Variants in NPHP4 observed in about 807,000 individuals in gnomAD.
NPHP4 encodes nephrocystin-4.
Under a neutral mutation model 155.8 loss-of-function variants are expected in NPHP4, and 151 were observed. That is an observed-to-expected ratio of 0.97 (90% CI 0.85 to 1.11). The LOEUF is 1.11. Ranked by LOEUF, NPHP4 falls within the 50% of genes least tolerant of loss-of-function variation. The pLI, the probability that NPHP4 is intolerant of heterozygous loss-of-function variation, is 0.00. For synonymous variants in NPHP4, 845 were observed against 816.8 expected, an observed-to-expected ratio of 1.03 and a Z score of -0.59; for missense variants, 1,956 against 1,925.7, an observed-to-expected ratio of 1.02 and a Z score of -0.29.
intron 7 of NPHP4, among the ~76,000 whole-genome samples, chr1:5,948,843 G>A (rs1218486339): frequency 2.6e-5 from 4 of 152,302 alleles, no homozygotes; most frequent in Admixed American, 2.0e-4. Context: ...GTGGTCACTC[G>A]ATATTAAAGT....
rs151151838 is a variant in NPHP4 at position 5,874,597 on chromosome 1, C to T, written c.3105G>A (p.Pro1035=). 2.2e-4 allele frequency: 357 copies of T among 1,611,620 alleles called. 1 individual carries two copies. The highest frequency in any genetic ancestry group is 3.4e-4 in the Middle Eastern group (2 of 5,968). Residue 1035 remains proline (P), a synonymous_variant, in exon 22 of 30, where the codon CCG becomes CCA. Coordinates refer to ENST00000378156, the MANE Select transcript of NPHP4 (RefSeq NM_015102.5). ...DFKGAAGLHT[P]VEEDMFHLRG... ...GCAGGTGGAACATGTCCTCCTCCACCGGTGTGTGCAGGCCAGCAGCACCCT... is the reference window on the plus strand; with the variant it reads ...GCAGGTGGAACATGTCCTCCTCCACTGGTGTGTGCAGGCCAGCAGCACCCT...
intron 3 of NPHP4, among the ~76,000 whole-genome samples, chr1:5,971,353 C>T (rs1652528309): frequency 1.3e-5 from 2 of 152,212 alleles, no homozygotes; most frequent in Admixed American, 1.3e-4. Flanking sequence ...GAGTCAGCCG[C>T]TCCAAGTGCA....
chr1:5,873,321 C>G lies in NPHP4; in HGVS notation c.3246G>C (p.Leu1082Phe). 6.2e-7 allele frequency: 1 copy of G among 1,613,938 alleles called. No individual in the cohort carries two copies. Among genetic ancestry groups the G allele is most frequent in the Non-Finnish European group, 8.5e-7 (1 of 1,179,842 alleles). Residue 1082 changes from leucine (L) to phenylalanine (F), a missense_variant, in exon 23 of 30, where the codon TTG becomes TTC. Transcript: ENST00000378156. Reference protein sequence around the residue: ...QLAMVQASPGLSNEKGMDAVS... With the variant: ...QLAMVQASPGFSNEKGMDAVS... The stretch of plus-strand genomic sequence containing the variant: ...CGGCGTCCATGCCCTTCTCGTTGCT[C>G]AACCCAGGAGAGGCCTGCAGGAACC...
At chr1:5,991,620 G>A (rs1250264536) in intron 1 of NPHP4, 1 of 152,232 alleles carries the variant, frequency 6.6e-6, no homozygotes. Flanking sequence ...ACGCGGGAGC[G>A]GGTGGCGCCT....
rs572668235 is a variant in NPHP4 at position 5,924,449 on chromosome 1, A to C, written c.1441+3200T>G. Among the ~76,000 whole-genome samples, 6 of 152,244 alleles carry C rather than the reference A, an allele frequency of 3.9e-5. No individual in the cohort carries two copies. In the East Asian group the frequency reaches 1.2e-3, roughly 30 times the overall value. ...ATTCTGGGCAAGCAGAGGCAGTGGC[A>C]GACTGGTTTTAAAATCTCCTCCAAA... On this transcript the variant is annotated intron_variant, in intron 11 of 29. Transcript: ENST00000378156.
At chr1:5,990,601 A>G (rs1656092681) in intron 1 of NPHP4, among the ~76,000 whole-genome samples, 1 of 152,224 alleles carries the variant, frequency 6.6e-6, no homozygotes, top group Non-Finnish European at 1.5e-5. Flanking sequence ...GAGACTCAGA[A>G]AGGATAAACA....
chr1:5,945,520 G>A (rs116321485), intron 9 of NPHP4, among the ~76,000 whole-genome samples: 2 of 152,168 alleles, frequency 1.3e-5, no homozygotes, highest in Non-Finnish European at 2.9e-5. Context: ...ATAGGGACCG[G>A]AGGCATGGAC....
chr1:5,871,599 C>A (rs1642012111), intron 23 of NPHP4, among the ~76,000 whole-genome samples: 1 of 152,230 alleles, frequency 6.6e-6, no homozygotes, highest in Admixed American at 6.5e-5. Flanking sequence ...CTGGATGGAA[C>A]ACGCAGTGGG....
At chr1:5,947,664 T>C (rs1647182138) in intron 8 of NPHP4, among the ~76,000 whole-genome samples, 1 of 152,228 alleles carries the variant, frequency 6.6e-6, no homozygotes, top group African/African-American at 2.4e-5. Flanking sequence ...AGGAAAGGCA[T>C]GACGCCCTGC....
At position 5,928,503 on chromosome 1, in the gene NPHP4, G is replaced by C. The variant is rs147695362; in HGVS notation, c.1303-716C>G. 3.6e-3 allele frequency among the ~76,000 whole-genome samples: 555 copies of C among 152,310 alleles called. 1 individual carries two copies. Among genetic ancestry groups the C allele is most frequent in the African/African-American group, 0.012 (511 of 41,568 alleles). On this transcript the variant is annotated intron_variant, in intron 10 of 29. Transcript: ENST00000378156. ...TTTCTGGTTTGGGTGATTATAAACAGACCTGCTACAAACACATATGTTTGT... is the reference window on the plus strand; with the variant it reads ...TTTCTGGTTTGGGTGATTATAAACACACCTGCTACAAACACATATGTTTGT...
At chr1:5,940,644 AAC>A (rs1646771661) in intron 9 of NPHP4, among the ~76,000 whole-genome samples, 2 of 152,226 alleles carry the variant, frequency 1.3e-5, no homozygotes, top group South Asian at 2.1e-4. Context: ...ACAAAATAAA[AAC>A]ACAGTGCTAA....
At chr1:5,871,730 T>C (rs1348235340) in intron 23 of NPHP4, among the ~76,000 whole-genome samples, 6 of 152,192 alleles carry the variant, frequency 3.9e-5, no homozygotes, top group African/African-American at 1.4e-4. Context: ...CAACGTGGTC[T>C]GCCCACTGAG....
chr1:5,935,402 A>G (rs1249243315), intron 9 of NPHP4, among the ~76,000 whole-genome samples: 1 of 152,238 alleles, frequency 6.6e-6, no homozygotes, highest in Non-Finnish European at 1.5e-5. Flanking sequence ...GGAAGGACAT[A>G]GAATCAGAAA....
intron 20 of NPHP4, among the ~76,000 whole-genome samples, chr1:5,875,467 G>A (rs968818559): frequency 2.6e-5 from 4 of 152,220 alleles, no homozygotes; most frequent in Non-Finnish European, 4.4e-5. Context: ...GGCCTCACCA[G>A]CCAGGTCCCC....
chr1:5,922,630 G>A (rs530496691), intron 11 of NPHP4, among the ~76,000 whole-genome samples: 4 of 152,264 alleles, frequency 2.6e-5, no homozygotes, highest in African/African-American at 4.8e-5. Flanking sequence ...AGAGCAGCCT[G>A]TACAACACAG....
intron 16 of NPHP4, among the ~76,000 whole-genome samples, chr1:5,900,438 G>C (rs1045134836): frequency 6.6e-5 from 10 of 152,198 alleles, no homozygotes; most frequent in South Asian, 2.1e-4. Flanking sequence ...CACAGTGCTG[G>C]GGGGAAGAAA....
intron 20 of NPHP4, 106 bp from the exon 21 acceptor site, chr1:5,875,206 C>T (rs1437733858): frequency 2.3e-6 from 2 of 880,804 alleles, no homozygotes; most frequent in African/African-American, 1.6e-5. Context: ...GGACATTTCT[C>T]CACAAGCATC....
chr1:5,924,747 C>A (rs549301221), intron 11 of NPHP4, among the ~76,000 whole-genome samples: 1 of 152,148 alleles, frequency 6.6e-6, no homozygotes, highest in African/African-American at 2.4e-5. Flanking sequence ...CTCCATCTCC[C>A]GGGCTCAACC....
Position 5,882,222 on chromosome 1 carries a change from TTACCCAGCCATCTCTCAGTGGCGC to T in NPHP4, c.2486-2007_2486-1984del, listed in dbSNP as rs1643356899. 6.8e-6 allele frequency: 1 copy of T among 147,558 alleles called. No homozygotes were observed. The highest frequency in any genetic ancestry group is 2.5e-5 in the African/African-American group (1 of 39,734). 9.1% of individuals were successfully genotyped at this position (147,558 alleles called of 1,614,324 possible). ...ACCCAGCCATCTCTCAGTGGCGCGC[TTACCCAGCCATCTCTCAGTGGCGC>T]GCTTACCCAGCCATCTCTCAGTGGC... On this transcript the variant is annotated intron_variant, in intron 18 of 29. Coordinates refer to ENST00000378156, the MANE Select transcript of NPHP4 (RefSeq NM_015102.5). The surrounding 1 kb of genome is among the most constrained non-coding windows in gnomAD (Gnocchi z 5.1).
Sources: allele counts gnomAD v4.1 joint callset (sites outside exome capture counted in the v4.1 genomes callset), GRCh38; gene constraint gnomAD v4.1.1; non-coding constraint Gnocchi (gnomAD v3.1); transcripts MANE v1.5; gene names NCBI Gene and HGNC (gene_info 2026-07-23, HGNC 2026-07-21).